Variants in TMEFF1 observed in about 807,000 individuals in gnomAD.
TMEFF1 encodes the protein tomoregulin-1.
A neutral mutation model predicts 47.5 loss-of-function variants in TMEFF1; 20 were observed. That is an observed-to-expected ratio of 0.42 (90% CI 0.30 to 0.61). The LOEUF (loss-of-function observed/expected upper bound fraction) is 0.61, where lower values mean the gene tolerates loss of function less well. Ranked by LOEUF, TMEFF1 falls within the 20% of genes least tolerant of loss-of-function variation. The pLI is 0.19. For synonymous variants in TMEFF1, 162 were observed against 166.3 expected (o/e 0.97, Z 0.20); for missense variants, 411 against 471.1 (o/e 0.87, Z 1.18).
intron 5 of TMEFF1, among the ~76,000 whole-genome samples, chr9:100,539,756 G>A (rs1838591933): frequency 6.6e-6 from 1 of 152,194 alleles, no homozygotes; most frequent in Non-Finnish European, 1.5e-5. Context: ...GCTGGCTTAG[G>A]CAGCCTGCTT....
intron 5 of TMEFF1, among the ~76,000 whole-genome samples, chr9:100,526,636 A>G (rs1424442251): frequency 2.0e-5 from 3 of 152,110 alleles, no homozygotes; most frequent in African/African-American, 4.8e-5. Context: ...TTGGTATTCT[A>G]TCTATTGAAA....
intron 8 of TMEFF1, among the ~76,000 whole-genome samples, chr9:100,571,844 C>T (rs775924947): frequency 3.9e-5 from 6 of 152,108 alleles, no homozygotes; most frequent in Non-Finnish European, 8.8e-5. Context: ...GGTGACAGAT[C>T]CTTAGGCATT....
chr9:100,513,414 T>C, intron 4 of TMEFF1, 81 bp downstream of exon 4: 1 of 1,268,684 alleles, frequency 7.9e-7, no homozygotes, highest in Non-Finnish European at 1.1e-6. Flanking sequence ...TTTTTTTAAA[T>C]CAGCTTTGAG....
intron 3 of TMEFF1, among the ~76,000 whole-genome samples, chr9:100,510,317 A>T (rs993959175): frequency 1.3e-5 from 2 of 152,204 alleles, no homozygotes; most frequent in Non-Finnish European, 2.9e-5. Flanking sequence ...AAAGAAAGAG[A>T]TGCCCAGAAG....
At chr9:100,562,169 A>G (rs549180702) in intron 8 of TMEFF1, among the ~76,000 whole-genome samples, 2 of 152,092 alleles carry the variant, frequency 1.3e-5, no homozygotes, top group Non-Finnish European at 2.9e-5. Flanking sequence ...ATGTTGGTCT[A>G]GTTAGCCAGG....
chr9:100,570,411 T>C (rs1839211011), intron 8 of TMEFF1, among the ~76,000 whole-genome samples: 1 of 152,202 alleles, frequency 6.6e-6, no homozygotes, highest in Admixed American at 6.5e-5. Flanking sequence ...TTTTATAGTT[T>C]TAGCTCTTAC....
chr9:100,496,690 C>T (rs1229321440), intron 1 of TMEFF1, among the ~76,000 whole-genome samples: 4 of 152,200 alleles, frequency 2.6e-5, no homozygotes, highest in Non-Finnish European at 4.4e-5. Flanking sequence ...TCCACTGTAC[C>T]TGTAAAGTAC....
chr9:100,562,572 T>C (rs563819008), intron 8 of TMEFF1, among the ~76,000 whole-genome samples: 1 of 152,332 alleles, frequency 6.6e-6, no homozygotes, highest in East Asian at 1.9e-4. Context: ...CTTCTTTTTT[T>C]TGTGAACATT....
chr9:100,535,149 T>C (rs1377967615), intron 5 of TMEFF1, among the ~76,000 whole-genome samples: 1 of 152,222 alleles, frequency 6.6e-6, no homozygotes, highest in African/African-American at 2.4e-5. Flanking sequence ...ATTTTTAATA[T>C]ATGGTAAAAT....
intron 5 of TMEFF1, among the ~76,000 whole-genome samples, chr9:100,534,576 C>T (rs1454791784): frequency 1.3e-5 from 2 of 152,198 alleles, no homozygotes; most frequent in East Asian, 3.8e-4. Context: ...TCTGGAGTCT[C>T]ATATTTTCCT....
Position 100,473,533 on chromosome 9 carries a change from G to C in TMEFF1, c.-12G>C, listed in dbSNP as rs1386910892. ...GGCTCCCTGCGCTTCCCGCCGTCCA[G>C]GGGCACCAGTCATGGGCGCCGCAGC... is the stretch of plus-strand genomic sequence containing the variant. On this transcript the variant is annotated 5_prime_UTR_variant, in exon 1 of 10. Coordinates refer to ENST00000374879, the MANE Select transcript of TMEFF1 (RefSeq NM_003692.5). The surrounding 1 kb of genome is among the most constrained non-coding windows in gnomAD (Gnocchi z 5.4). 6.8e-7 allele frequency: 1 copy of C among 1,468,660 alleles called. No homozygotes were observed. The highest frequency in any genetic ancestry group is 1.3e-5 in the South Asian group (1 of 75,054). 91.0% of individuals were successfully genotyped at this position (1,468,660 alleles called of 1,614,324 possible).
At chr9:100,566,128 A>C (rs539594197) in intron 8 of TMEFF1, among the ~76,000 whole-genome samples, 4 of 151,956 alleles carry the variant, frequency 2.6e-5, no homozygotes, top group African/African-American at 9.7e-5. Context: ...TTTTTTTCCT[A>C]CTTCGCTGGA....
At chr9:100,512,174 C>T (rs1837980771) in intron 3 of TMEFF1, among the ~76,000 whole-genome samples, 2 of 152,100 alleles carry the variant, frequency 1.3e-5, no homozygotes, top group Non-Finnish European at 1.5e-5. Flanking sequence ...TGAGTTTCCT[C>T]CCTCGCTGTC....
chr9:100,513,383 CTTTCTTTT>C, intron 4 of TMEFF1, 50 bp downstream of exon 4: 1 of 1,437,108 alleles, frequency 7.0e-7, no homozygotes, highest in Non-Finnish European at 9.2e-7. Flanking sequence ...TTCTTTCTTT[CTTTCTTTT>C]TCTTTTTTTT....
At chr9:100,535,637 G>A (rs1452133493) in intron 5 of TMEFF1, among the ~76,000 whole-genome samples, 1 of 152,226 alleles carries the variant, frequency 6.6e-6, no homozygotes, top group Non-Finnish European at 1.5e-5. Context: ...CAGGCATGAT[G>A]GCATGTGCCT....
chr9:100,482,919 A>T (rs898822356), intron 1 of TMEFF1, among the ~76,000 whole-genome samples: 8 of 151,704 alleles, frequency 5.3e-5, no homozygotes, highest in Non-Finnish European at 1.2e-4. Flanking sequence ...TTTGAAACCT[A>T]CCCTGCTATC....
At position 100,498,985 on chromosome 9, in the gene TMEFF1, G is replaced by A. The variant is rs868187987; in HGVS notation, c.306+111G>A. The A allele has an allele frequency of 1.8e-4, 203 of 1,126,954 alleles. 1 individual carries two copies. The Middle Eastern group carries it at 1.9e-3, about 10-fold the overall frequency. The allele number at this position is 1,126,954 out of a possible 1,614,324, so 69.8% of individuals were successfully genotyped here. On this transcript the variant is annotated intron_variant, in intron 2 of 9. Transcript: ENST00000374879. ...CCTTGAACCCCATAAAGAAATTGGG[G>A]TCACAGCCCCTCAGTTCTTTTTTGT...
intron 2 of TMEFF1, among the ~76,000 whole-genome samples, chr9:100,504,323 A>G (rs1189693753): frequency 6.6e-6 from 1 of 152,188 alleles, no homozygotes; most frequent in Non-Finnish European, 1.5e-5. Flanking sequence ...CAGCAGGTCT[A>G]CTTCTCCCAT....
At chr9:100,492,946 T>C (rs2118293430) in intron 1 of TMEFF1, among the ~76,000 whole-genome samples, 1 of 152,312 alleles carries the variant, frequency 6.6e-6, no homozygotes, top group East Asian at 1.9e-4. Flanking sequence ...TGTGGCAGTA[T>C]GTTGAGATCT....
Sources: gnomAD v4.1 joint callset for allele counts (sites outside exome capture counted in the v4.1 genomes callset) on GRCh38, gnomAD v4.1.1 for gene constraint, Gnocchi (gnomAD v3.1) non-coding constraint, MANE v1.5 for transcripts, NCBI Gene and HGNC (gene_info 2026-07-23, HGNC 2026-07-21) for gene names.